TBCD: variants seen among roughly 807,000 people sequenced by gnomAD.
TBCD encodes the protein tubulin folding cofactor D, also known as tubulin-specific chaperone D.
In TBCD, 105 loss-of-function variants were observed where a neutral mutation model predicts 169.3. The observed-to-expected ratio is 0.62, with a 90% CI of 0.53 to 0.73. TBCD has a LOEUF of 0.73. Ranked by LOEUF, TBCD falls within the 30% of genes least tolerant of loss-of-function variation. TBCD has a pLI of 0.00. For missense variants in TBCD, 1,444 were observed against 1,600.1 expected (o/e 0.90, Z 1.66); for synonymous variants, 700 against 643.9 (o/e 1.09, Z -1.32).
chr17:82,911,959 T>C (rs774121186), intron 23 of TBCD, among the ~76,000 whole-genome samples, 170 bp downstream of exon 23: 1 of 152,162 alleles, frequency 6.6e-6, no homozygotes, highest in Non-Finnish European at 1.5e-5. Context: ...CAGTGGTTCC[T>C]ACGAGGGAGA....
chr17:82,764,461 A>G (rs983103738), intron 3 of TBCD, among the ~76,000 whole-genome samples: 10 of 152,174 alleles, frequency 6.6e-5, no homozygotes, highest in African/African-American at 1.7e-4. Flanking sequence ...CCTGGCCAAC[A>G]TGGTGAAACC....
chr17:82,818,135 C>T (rs142224128), intron 13 of TBCD, among the ~76,000 whole-genome samples: 35 of 152,324 alleles, frequency 2.3e-4, no homozygotes, highest in African/African-American at 5.3e-4. Flanking sequence ...GCATCATAAA[C>T]GAAAAGGGTA....
Position 82,903,512 on chromosome 17 carries a change from A to G in TBCD, c.1804+34A>G. The stretch of plus-strand genomic sequence containing the variant: ...GTGTCCCGGCCGGCCTGCGGGCACC[A>G]TGCATGCACTGCAGAAAGGCCTGGG... On this transcript the variant is annotated intron_variant, in intron 19 of 38. Coordinates refer to ENST00000355528, the MANE Select transcript of TBCD (RefSeq NM_005993.5). This position sits in a 1 kb window ranked among gnomAD's most constrained non-coding sequence, Gnocchi z 4.8. 1.3e-6 allele frequency: 2 copies of G among 1,562,360 alleles called. No homozygotes were observed. Among genetic ancestry groups the G allele is most frequent in the Non-Finnish European group, 1.7e-6 (2 of 1,151,276 alleles).
chr17:82,929,049 C>G, intron 30 of TBCD, 64 bp from the exon 31 acceptor site: 1 of 1,562,994 alleles, frequency 6.4e-7, no homozygotes, highest in Non-Finnish European at 8.6e-7. Context: ...CGCCTGTGCT[C>G]AGTTTACCGC....
rs2061328877 is a variant in TBCD at position 82,920,138 on chromosome 17, T to G, written c.2039-418T>G. Among the ~76,000 whole-genome samples the G allele has an allele frequency of 6.6e-6, 1 of 152,228 alleles. No individual in the cohort carries two copies. The highest frequency in any genetic ancestry group is 2.4e-5 in the African/African-American group (1 of 41,472). On this transcript the variant is annotated intron_variant, in intron 23 of 38. Coordinates refer to ENST00000355528, the MANE Select transcript of TBCD (RefSeq NM_005993.5). The surrounding 1 kb of genome is among the most constrained non-coding windows in gnomAD (Gnocchi z 4.1). ...GAGCTATGTGGGGAAGTGACAGGCA[T>G]GACCTGTGGTCTGGAGCATTGCAGG...
chr17:82,917,609 G>T (rs1028693194), intron 23 of TBCD, among the ~76,000 whole-genome samples: 10 of 152,216 alleles, frequency 6.6e-5, no homozygotes, highest in African/African-American at 2.4e-4. Flanking sequence ...CTTGATGTTG[G>T]CTCTTGACGG....
intron 7 of TBCD, among the ~76,000 whole-genome samples, chr17:82,786,883 G>C (rs1331543223): frequency 1.4e-5 from 1 of 70,174 alleles, no homozygotes; most frequent in African/African-American, 5.4e-5. Context: ...CAAGTTTTCT[G>C]TTCTTCCATC....
Position 82,916,008 on chromosome 17 carries a change from A to G in TBCD, c.2038+4219A>G, listed in dbSNP as rs777670441. Among the ~76,000 whole-genome samples, 6 of 152,136 alleles carry G rather than the reference A, an allele frequency of 3.9e-5. No individual in the cohort carries two copies. In the South Asian group the frequency reaches 1.0e-3, roughly 26 times the overall value. On this transcript the variant is annotated intron_variant, in intron 23 of 38. Transcript: ENST00000355528. Reference sequence around the variant, plus strand: ...CGCTTTTACCTGTATCTTAAATCACACAGGAGTTCATTCGGATTTACCTGT... The same window carrying G: ...CGCTTTTACCTGTATCTTAAATCACGCAGGAGTTCATTCGGATTTACCTGT...
At position 82,762,470 on chromosome 17, in the gene TBCD, C is replaced by T. The variant is rs371621031; in HGVS notation, c.236-1495C>T. Among the ~76,000 whole-genome samples the T allele has an allele frequency of 1.9e-3, 291 of 152,122 alleles. 1 individual carries two copies. Among genetic ancestry groups the T allele is most frequent in the Middle Eastern group, 3.4e-3 (1 of 294 alleles). On this transcript the variant is annotated intron_variant, in intron 2 of 38. Transcript: ENST00000355528. ...ACTTGTAGAAAGTGTATGACTTGGC[C>T]AGGCGCGGTGGCTCCTACCTGTAAT...
chr17:82,917,019 CTTTTCTTTTT>C (rs1278783608), intron 23 of TBCD, among the ~76,000 whole-genome samples: 2 of 108,518 alleles, frequency 1.8e-5, no homozygotes, highest in Non-Finnish European at 3.6e-5. Context: ...TTTTTCTTTT[CTTTTCTTTTT>C]TTTTTTTTTG....
At chr17:82,788,539 G>A (rs545679449) in intron 7 of TBCD, among the ~76,000 whole-genome samples, 1 of 152,200 alleles carries the variant, frequency 6.6e-6, no homozygotes, top group South Asian at 2.1e-4. Context: ...ATTGACAAAA[G>A]CACAACTCTT....
At chr17:82,759,049 C>T (rs1046976375) in intron 2 of TBCD, among the ~76,000 whole-genome samples, 5 of 152,132 alleles carry the variant, frequency 3.3e-5, no homozygotes. Context: ...GGATCTCGCT[C>T]TGTCACCCAG....
chr17:82,801,434 G>A (rs970912877), intron 9 of TBCD, among the ~76,000 whole-genome samples: 3 of 152,088 alleles, frequency 2.0e-5, no homozygotes, highest in Admixed American at 6.5e-5. Context: ...GGAAGGTGGC[G>A]TGTGCGTCGT....
intron 23 of TBCD, among the ~76,000 whole-genome samples, chr17:82,919,839 G>A (rs1253625554): frequency 2.0e-5 from 3 of 152,118 alleles, no homozygotes; most frequent in African/African-American, 2.4e-5. Context: ...GTGGACCGAC[G>A]GCCTCCGCAT....
intron 12 of TBCD, among the ~76,000 whole-genome samples, chr17:82,811,058 A>C (rs1032420694): frequency 1.4e-4 from 22 of 152,184 alleles, no homozygotes; most frequent in African/African-American, 5.1e-4. Flanking sequence ...CAACTGCTTG[A>C]TGGGAGGCAG....
In TBCD at chr17:82,941,369, A is replaced by G. The variant is rs775832792; in HGVS notation, c.3480-30A>G. On this transcript the variant is annotated intron_variant, in intron 37 of 38. Coordinates refer to ENST00000355528, the MANE Select transcript of TBCD (RefSeq NM_005993.5). ...CCTGAGGTTCTCCGGTGGGCACTCG[A>G]GAGACTCACGGCTCTCCCTCTCCTC... is the stretch of plus-strand genomic sequence containing the variant. 3.2e-6 allele frequency: 5 copies of G among 1,556,372 alleles called. No individual in the cohort carries two copies. The Admixed American group carries it at 5.5e-5, about 17-fold the overall frequency.
At chr17:82,927,838 G>C in intron 29 of TBCD, 67 bp from the exon 30 acceptor site, 1 of 1,429,112 alleles carries the variant, frequency 7.0e-7, no homozygotes, top group South Asian at 1.2e-5. Flanking sequence ...TGCCGGCGTG[G>C]TGGGCAGAAC....
At chr17:82,752,417 C>G (rs2047146641) in intron 1 of TBCD, 40 bp downstream of exon 1, 1 of 1,196,352 alleles carries the variant, frequency 8.4e-7, no homozygotes, top group African/African-American at 1.6e-5. Context: ...CTCCCCCGGC[C>G]CGGGTTCGGC....
chr17:82,837,880 A>T (rs977285528), intron 13 of TBCD, among the ~76,000 whole-genome samples: 1 of 152,258 alleles, frequency 6.6e-6, no homozygotes, highest in East Asian at 1.9e-4. Context: ...CAAGCAGCCA[A>T]TGTAGACAGT....
Sources: allele counts gnomAD v4.1 joint callset (sites outside exome capture counted in the v4.1 genomes callset), GRCh38; gene constraint gnomAD v4.1.1; non-coding constraint Gnocchi (gnomAD v3.1); transcripts MANE v1.5; gene names NCBI Gene and HGNC (gene_info 2026-07-23, HGNC 2026-07-21).